Variants in KLHL13 observed in about 807,000 individuals in gnomAD.
The protein encoded by KLHL13 is kelch-like protein 13.
Under a neutral mutation model 37.1 loss-of-function variants are expected in KLHL13, and 10 were observed. The observed-to-expected ratio is 0.27, with a 90% CI of 0.17 to 0.46. KLHL13 has a LOEUF of 0.46. Among genes scored for constraint, KLHL13 ranks in the 20% least tolerant of loss-of-function variants. The pLI is 1.00. For missense variants in KLHL13, 360 were observed against 509.3 expected, an observed-to-expected ratio of 0.71 and a Z score of 2.82; for synonymous variants, 163 against 181.2, an observed-to-expected ratio of 0.90 and a Z score of 0.81.
At chrX:118,022,622 T>C (rs1032337438) in intron 1 of KLHL13, among the ~76,000 whole-genome samples, 1 of 112,138 alleles carries the variant, frequency 8.9e-6, no homozygotes, top group African/African-American at 3.2e-5. Flanking sequence ...CTGTTGGCCA[T>C]TTTTATGTAT....
chrX:118,025,495 A>T (rs1380922568), intron 1 of KLHL13, among the ~76,000 whole-genome samples: 1 of 111,382 alleles, frequency 9.0e-6, no homozygotes, highest in Non-Finnish European at 1.9e-5. Context: ...CAGTTAGTAG[A>T]TCAACTGCTG....
intron 1 of KLHL13, among the ~76,000 whole-genome samples, chrX:118,091,572 G>A (rs1485013950): frequency 9.1e-6 from 1 of 110,253 alleles, no homozygotes; most frequent in African/African-American, 3.3e-5. Context: ...TAAAACAGAA[G>A]AACACTAATT....
In KLHL13 at chrX:117,999,704, A is replaced by C. The variant is rs12832935; in HGVS notation, c.-55-54129T>G. Among the ~76,000 whole-genome samples, 769 of 108,428 alleles carry C rather than the reference A, an allele frequency of 7.1e-3. 11 individuals carry two copies. Among genetic ancestry groups the C allele is most frequent in the African/African-American group, 0.026 (729 of 28,167 alleles). The allele number at this position is 108,428 out of a possible 115,157, so 94.2% of individuals were successfully genotyped here. A position where few individuals can be genotyped will look rare whatever the true frequency, so the allele number is the denominator to read the frequency against. On this transcript the variant is annotated intron_variant, in intron 1 of 6. Coordinates refer to the KLHL13 transcript ENST00000371882. ...ACTTAAAGTATAATTTAAAAAATCT[A>C]TTAAAAATAAATAAATAAATAAATA...
At chrX:117,973,161 T>C (rs893330499) in exon 1 of KLHL13, 2 of 927,817 alleles carry the variant, frequency 2.2e-6, no homozygotes, top group African/African-American at 4.1e-5. Flanking sequence ...GCCAGGCTTT[T>C]TTTTTTTAAG....
At chrX:118,025,093 C>T (rs1305089343) in intron 1 of KLHL13, among the ~76,000 whole-genome samples, 1 of 111,921 alleles carries the variant, frequency 8.9e-6, no homozygotes, top group African/African-American at 3.2e-5. Context: ...TCAACATCCC[C>T]TGATCTACTC....
chrX:118,097,598 C>T (rs1295402257), intron 1 of KLHL13, among the ~76,000 whole-genome samples: 3 of 111,514 alleles, frequency 2.7e-5, no homozygotes, highest in Non-Finnish European at 5.6e-5. Flanking sequence ...TCATATGGAA[C>T]CAAAAAAGAG....
intron 1 of KLHL13, among the ~76,000 whole-genome samples, chrX:118,094,913 C>T (rs1320707782): frequency 8.9e-6 from 1 of 111,810 alleles, no homozygotes; most frequent in East Asian, 2.8e-4. Context: ...AAAGGAACAA[C>T]TGGTACCAGC....
intron 1 of KLHL13, among the ~76,000 whole-genome samples, chrX:118,091,592 TA>T (rs202114736): frequency 0.031 from 3,415 of 110,363 alleles, 57 homozygotes; most frequent in Middle Eastern, 0.056. Context: ...TATCCAACCT[TA>T]AAAACAAAGA....
intron 5 of KLHL13, among the ~76,000 whole-genome samples, chrX:117,904,466 A>G (rs769693337): frequency 2.7e-5 from 3 of 111,341 alleles, no homozygotes; most frequent in South Asian, 7.6e-4. Context: ...ATCGTAGTCT[A>G]TAAGAGTTGG....
chrX:117,956,178 A>G (rs1294473409), intron 1 of KLHL13, among the ~76,000 whole-genome samples: 1 of 112,251 alleles, frequency 8.9e-6, no homozygotes, highest in Non-Finnish European at 1.9e-5. Flanking sequence ...TCCATGGTGC[A>G]GTAATTCTAA....
chrX:118,013,673 A>G (rs1389148490), intron 1 of KLHL13, among the ~76,000 whole-genome samples: 5 of 112,152 alleles, frequency 4.5e-5, no homozygotes, highest in African/African-American at 1.6e-4. Context: ...ATCAATAAAT[A>G]GAAGGAAAAA....
chrX:117,899,081 T>G (rs373466331), exon 7 of KLHL13: 2 of 1,211,172 alleles, frequency 1.7e-6, no homozygotes, highest in East Asian at 5.9e-5. Context: ...ATACAACGAT[T>G]ATTCCAAGAA....
intron 1 of KLHL13, among the ~76,000 whole-genome samples, chrX:118,021,436 G>C (rs916255647): frequency 2.8e-5 from 3 of 107,020 alleles, no homozygotes; most frequent in Non-Finnish European, 5.8e-5. Context: ...TCCCCTTCCT[G>C]TGTCCAAGTG....
intron 1 of KLHL13, among the ~76,000 whole-genome samples, chrX:117,949,601 GCTC>G (rs1338844984): frequency 8.9e-6 from 1 of 111,839 alleles, no homozygotes; most frequent in Admixed American, 9.5e-5. Context: ...ATCTTCCAAT[GCTC>G]CTCAATCTCC....
chrX:117,909,125 C>A (rs1366888726), intron 5 of KLHL13, among the ~76,000 whole-genome samples, 176 bp downstream of exon 6: 1 of 111,879 alleles, frequency 8.9e-6, no homozygotes, highest in Non-Finnish European at 1.9e-5. Flanking sequence ...CCCTTGCCAA[C>A]GATATATGCC....
chrX:117,950,750 AAAGAAAATC>A (rs1334485648), intron 1 of KLHL13, among the ~76,000 whole-genome samples: 1 of 112,572 alleles, frequency 8.9e-6, no homozygotes, highest in Non-Finnish European at 1.9e-5. Flanking sequence ...CACAATTTAA[AAAGAAAATC>A]AAGAAAAAGT....
chrX:117,920,841 T>A lies in KLHL13; in HGVS notation c.241-471A>T, dbSNP rs184566717. Reference sequence around the variant, plus strand: ...AAAAGTAGAGAGCAACTGTATTAAGTACACGATAGTTCTTTCTACTAATTG... The same window carrying A: ...AAAAGTAGAGAGCAACTGTATTAAGAACACGATAGTTCTTTCTACTAATTG... On this transcript the variant is annotated intron_variant, in intron 2 of 6. Coordinates refer to ENST00000262820, the Ensembl canonical transcript of KLHL13. Among the ~76,000 whole-genome samples the A allele has an allele frequency of 2.8e-3, 315 of 111,733 alleles. 2 individuals carry two copies. The highest frequency in any genetic ancestry group is 4.9e-3 in the South Asian group (13 of 2,656).
chrX:117,989,330 T>C (rs1019075584), intron 1 of KLHL13, among the ~76,000 whole-genome samples: 4 of 111,012 alleles, frequency 3.6e-5, no homozygotes, highest in Non-Finnish European at 5.7e-5. Flanking sequence ...TCAAGTGACA[T>C]AGCCGCTGAG....
chrX:118,107,160 C>A (rs2148185979), intron 1 of KLHL13, among the ~76,000 whole-genome samples: 1 of 111,930 alleles, frequency 8.9e-6, no homozygotes, highest in Non-Finnish European at 1.9e-5. Flanking sequence ...CCTGCATAAC[C>A]CTTTTCCTTC....
Sources: allele counts gnomAD v4.1 joint callset (sites outside exome capture counted in the v4.1 genomes callset), GRCh38; gene constraint gnomAD v4.1.1; transcripts MANE v1.5; gene names NCBI Gene and HGNC (gene_info 2026-07-23, HGNC 2026-07-21).